KIAA0825: variants seen among roughly 807,000 people sequenced by gnomAD.
KIAA0825 encodes the protein uncharacterized protein KIAA0825.
In KIAA0825, 119 loss-of-function variants were observed where a neutral mutation model predicts 147.6. The observed-to-expected ratio is 0.81, with a 90% CI of 0.69 to 0.94. The LOEUF (loss-of-function observed/expected upper bound fraction) is 0.94. Among genes scored for constraint, KIAA0825 ranks in the 40% least tolerant of loss-of-function variants. The pLI, the probability that KIAA0825 is intolerant of heterozygous loss-of-function variation, is 0.00. For synonymous variants in KIAA0825, 470 were observed against 518.1 expected (o/e 0.91, Z 1.26); for missense variants, 1,381 against 1,472.7 (o/e 0.94, Z 1.02).
At chr5:94,164,982 C>T (rs1224484846) in intron 20 of KIAA0825, among the ~76,000 whole-genome samples, 5 of 152,148 alleles carry the variant, frequency 3.3e-5, no homozygotes, top group Admixed American at 6.6e-5. Flanking sequence ...CCCACAAGCA[C>T]AGGCAACCAA....
intron 20 of KIAA0825, 96 bp from the exon 21 acceptor site, chr5:94,154,220 G>C: frequency 1.3e-6 from 1 of 764,522 alleles, no homozygotes; most frequent in Non-Finnish European, 2.2e-6. Context: ...TTGGCTTATT[G>C]AGTCATCTGT....
intron 2 of KIAA0825, among the ~76,000 whole-genome samples, chr5:94,565,036 CCTCT>C (rs374763420): frequency 0.022 from 2,365 of 109,920 alleles, 82 homozygotes; most frequent in African/African-American, 0.059. Context: ...CTCTTTCTTT[CCTCT>C]CTCTCTCTCT....
chr5:94,349,643 T>C (rs571228387), intron 20 of KIAA0825, among the ~76,000 whole-genome samples: 9 of 152,210 alleles, frequency 5.9e-5, no homozygotes, highest in Non-Finnish European at 1.0e-4. Flanking sequence ...TTCAAAACCA[T>C]GCAAATACAC....
At chr5:94,217,399 A>G (rs1380481800) in intron 20 of KIAA0825, among the ~76,000 whole-genome samples, 2 of 152,168 alleles carry the variant, frequency 1.3e-5, no homozygotes, top group African/African-American at 4.8e-5. Flanking sequence ...GCAGAGCCCC[A>G]TAAATGAGAA....
intron 20 of KIAA0825, among the ~76,000 whole-genome samples, chr5:94,383,911 A>G (rs1748783793): frequency 1.3e-5 from 2 of 151,928 alleles, no homozygotes; most frequent in Admixed American, 6.6e-5. Context: ...CAATCATGAC[A>G]GTTTTACTTA....
chr5:94,241,604 T>A (rs979305511), intron 20 of KIAA0825, among the ~76,000 whole-genome samples: 1 of 152,226 alleles, frequency 6.6e-6, no homozygotes, highest in Admixed American at 6.5e-5. Flanking sequence ...TCATCATCTT[T>A]TTTCTTTTTC....
At chr5:94,252,343 C>T (rs957350736) in intron 20 of KIAA0825, among the ~76,000 whole-genome samples, 3 of 151,904 alleles carry the variant, frequency 2.0e-5, no homozygotes, top group South Asian at 4.1e-4. Flanking sequence ...CTTTATGTAA[C>T]TGCAGACTGT....
rs1562588222 is a variant in KIAA0825 at position 94,520,926 on chromosome 5, A to T, written c.301-9T>A. The stretch of plus-strand genomic sequence containing the variant: ...TTCTTCAACAAATCTTGCTAATGAA[A>T]TTATAACATTAGAAATGTGATTAAG... On this transcript the variant is annotated splice_polypyrimidine_tract_variant and intron_variant, in intron 4 of 20. Coordinates refer to ENST00000682413, the MANE Select transcript of KIAA0825 (RefSeq NM_001145678.3). 6.5e-7 allele frequency: 1 copy of T among 1,540,794 alleles called. No individual in the cohort carries two copies. Among genetic ancestry groups the T allele is most frequent in the South Asian group, 1.2e-5 (1 of 86,298 alleles).
rs546160365 is a variant in KIAA0825, at chr5:94,248,537, G to A, written c.3711-94413C>T. The stretch of plus-strand genomic sequence containing the variant: ...CTGTTGCAAGTCTGAGCTACTGCTC[G>A]GCCTTGGGTCACTCACATAGTAATT... On this transcript the variant is annotated intron_variant, in intron 20 of 20. Transcript: ENST00000682413. 1.5e-4 allele frequency among the ~76,000 whole-genome samples: 23 copies of A among 152,220 alleles called. No individual in the cohort carries two copies. In the East Asian group the frequency reaches 4.1e-3, roughly 27 times the overall value.
intron 1 of KIAA0825, among the ~76,000 whole-genome samples, chr5:94,589,088 A>T (rs1253508999): frequency 6.6e-6 from 1 of 152,092 alleles, no homozygotes; most frequent in Non-Finnish European, 1.5e-5. Context: ...GCAAACCAAC[A>T]CGGCACAGGT....
chr5:94,607,019 C>T lies in KIAA0825; in HGVS notation c.-153+11481G>A, dbSNP rs79864296. On this transcript the variant is annotated intron_variant, in intron 1 of 20. Coordinates refer to ENST00000682413, the MANE Select transcript of KIAA0825 (RefSeq NM_001145678.3). ...TCATGAGGGACCTGCCACCATGATC[C>T]AAACACCTCCCAATAGGAGGGGACA... Among the ~76,000 whole-genome samples the T allele has an allele frequency of 4.4e-3, 670 of 152,262 alleles. 4 individuals are homozygous for T. The highest frequency in any genetic ancestry group is 0.015 in the African/African-American group (642 of 41,542).
At chr5:94,160,295 A>T (rs1767428979) in intron 20 of KIAA0825, among the ~76,000 whole-genome samples, 1 of 150,308 alleles carries the variant, frequency 6.7e-6, no homozygotes, top group Non-Finnish European at 1.5e-5. Context: ...TTTTTGTCCT[A>T]AGTTCTCTCA....
intron 2 of KIAA0825, among the ~76,000 whole-genome samples, chr5:94,559,620 C>T (rs763661492): frequency 6.6e-6 from 1 of 152,198 alleles, no homozygotes; most frequent in Non-Finnish European, 1.5e-5. Context: ...TGGATGGCTA[C>T]TCCCAGTTTT....
At chr5:94,533,021 C>T (rs1771162718) in intron 3 of KIAA0825, among the ~76,000 whole-genome samples, 1 of 151,106 alleles carries the variant, frequency 6.6e-6, no homozygotes, top group Non-Finnish European at 1.5e-5. Flanking sequence ...CTCTGTCGCC[C>T]AGGCTGGAGT....
Position 94,564,107 on chromosome 5 carries a change from C to T in KIAA0825, c.-2+18326G>A, listed in dbSNP as rs530451427. 1.1e-4 allele frequency among the ~76,000 whole-genome samples: 17 copies of T among 152,106 alleles called. 1 individual carries two copies. The highest frequency in any genetic ancestry group is 2.5e-4 in the Non-Finnish European group (17 of 68,006). ...GACACTAGTTCCGCTTTCTTTCTTCCCCAAAGGCTAATCCATTGGCTCTCA... is the reference window on the plus strand; with the variant it reads ...GACACTAGTTCCGCTTTCTTTCTTCTCCAAAGGCTAATCCATTGGCTCTCA... On this transcript the variant is annotated intron_variant, in intron 2 of 20. Coordinates refer to ENST00000682413, the MANE Select transcript of KIAA0825 (RefSeq NM_001145678.3).
chr5:94,539,872 A>C lies in KIAA0825; in HGVS notation c.-1-2745T>G, dbSNP rs1227799062. ...TTGGCACTACGGGATGTGAACTGCT[A>C]TTCTCTTTGGATTAATCTGCCTTGC... On this transcript the variant is annotated intron_variant, in intron 2 of 20. Coordinates refer to ENST00000682413, the MANE Select transcript of KIAA0825 (RefSeq NM_001145678.3). Among the ~76,000 whole-genome samples the C allele has an allele frequency of 2.0e-5, 3 of 152,082 alleles. 1 individual carries two copies. The highest frequency in any genetic ancestry group is 4.4e-5 in the Non-Finnish European group (3 of 68,014).
chr5:94,332,233 T>C (rs1416759912), intron 20 of KIAA0825, among the ~76,000 whole-genome samples: 1 of 151,668 alleles, frequency 6.6e-6, no homozygotes, highest in Non-Finnish European at 1.5e-5. Context: ...CTTTCTTTTT[T>C]TTTTTAAATT....
At chr5:94,465,585 A>G (rs1760389245) in intron 10 of KIAA0825, among the ~76,000 whole-genome samples, 1 of 152,214 alleles carries the variant, frequency 6.6e-6, no homozygotes, top group South Asian at 2.1e-4. Flanking sequence ...GGGATGGGTA[A>G]CTATCGAATA....
At chr5:94,464,623 C>G (rs930789802) in intron 11 of KIAA0825, among the ~76,000 whole-genome samples, 1 of 151,974 alleles carries the variant, frequency 6.6e-6, no homozygotes, top group Admixed American at 6.6e-5. Context: ...TATAGGACAC[C>G]TTGAATCATT....
Sources: allele counts gnomAD v4.1 joint callset (sites outside exome capture counted in the v4.1 genomes callset), GRCh38; gene constraint gnomAD v4.1.1; transcripts MANE v1.5; gene names NCBI Gene and HGNC (gene_info 2026-07-23, HGNC 2026-07-21).